Variants in TNS1 observed in about 807,000 individuals in gnomAD.
The protein encoded by TNS1 is tensin 1, also known as tensin-1.
In TNS1, 62 loss-of-function variants were observed where a neutral mutation model predicts 168.6. The ratio of observed to expected loss-of-function variants is 0.37; its 90% CI spans 0.30 to 0.45. The LOEUF (loss-of-function observed/expected upper bound fraction) is 0.45, where lower values mean the gene tolerates loss of function less well. Ranked by LOEUF, TNS1 falls within the 20% of genes least tolerant of loss-of-function variation. The probability of loss-of-function intolerance (pLI) is 1.00; values close to 1 mark genes in which losing one functional copy is unlikely to be tolerated. For synonymous variants in TNS1, 934 were observed against 933.2 expected (o/e 1.00, Z -0.02); for missense variants, 2,240 against 2,339.4 (o/e 0.96, Z 0.88).
At chr2:217,887,924 G>A (rs553453162) in intron 12 of TNS1, among the ~76,000 whole-genome samples, 1 of 152,340 alleles carries the variant, frequency 6.6e-6, no homozygotes, top group East Asian at 1.9e-4. Context: ...CAATCAGAAT[G>A]TATTCTGAGG....
intron 22 of TNS1, among the ~76,000 whole-genome samples, chr2:217,827,631 A>C (rs1943812276): frequency 6.6e-6 from 1 of 152,146 alleles, no homozygotes; most frequent in Non-Finnish European, 1.5e-5. Context: ...GGAGACCAAT[A>C]ACTCCAGTCT....
chr2:217,887,025 G>A (rs555127033), intron 12 of TNS1, among the ~76,000 whole-genome samples: 1 of 152,132 alleles, frequency 6.6e-6, no homozygotes, highest in South Asian at 2.1e-4. Context: ...CACAAGGCAG[G>A]CCCAACCACC....
At position 217,874,605 on chromosome 2, in the gene TNS1, T is replaced by C. The variant is rs187879735; in HGVS notation, c.1429+6293A>G. Among the ~76,000 whole-genome samples, 609 of 152,284 alleles carry C rather than the reference T, an allele frequency of 4.0e-3. 8 individuals are homozygous for C. Among genetic ancestry groups the C allele is most frequent in the African/African-American group, 0.014 (588 of 41,558 alleles). On this transcript the variant is annotated intron_variant, in intron 18 of 32. Transcript: ENST00000682258. ...CCAGAACAGAGCCAGCTATAGATGG[T>C]TCCCAGAGAGTAGAGGGGCAAGGGG...
chr2:217,951,102 G>A (rs1430990784), intron 3 of TNS1, among the ~76,000 whole-genome samples: 1 of 152,208 alleles, frequency 6.6e-6, no homozygotes, highest in East Asian at 1.9e-4. Flanking sequence ...CCAGGGGGAA[G>A]GGAATCACAG....
At chr2:217,816,852 G>C (rs4674217) in intron 24 of TNS1, among the ~76,000 whole-genome samples, 52,484 of 151,938 alleles carry the variant, frequency 0.35, 9,757 homozygotes, top group Middle Eastern at 0.52. Flanking sequence ...AGAATCTAGG[G>C]AGCTGGGGCC....
chr2:217,955,711 C>T (rs1209889426), intron 3 of TNS1, among the ~76,000 whole-genome samples: 2 of 152,198 alleles, frequency 1.3e-5, no homozygotes, highest in African/African-American at 4.8e-5. Flanking sequence ...GACTGGAGCT[C>T]ACTGAGATAG....
intron 23 of TNS1, among the ~76,000 whole-genome samples, chr2:217,820,774 C>G (rs779469293): frequency 6.6e-6 from 1 of 152,156 alleles, no homozygotes; most frequent in Non-Finnish European, 1.5e-5. Flanking sequence ...CCCCCACTAC[C>G]CCAGTCAAGC....
chr2:217,864,052 G>A (rs1346379167), intron 18 of TNS1, among the ~76,000 whole-genome samples: 2 of 152,224 alleles, frequency 1.3e-5, no homozygotes, highest in Non-Finnish European at 2.9e-5. Flanking sequence ...GCAGTGGGCA[G>A]GGCCAGGCCC....
intron 3 of TNS1, among the ~76,000 whole-genome samples, chr2:217,927,461 TAGG>T (rs1956091398): frequency 6.6e-6 from 1 of 152,072 alleles, no homozygotes; most frequent in African/African-American, 2.4e-5. Flanking sequence ...GGCACTTGTG[TAGG>T]AGAAGGACCA....
intron 3 of TNS1, among the ~76,000 whole-genome samples, chr2:217,934,399 G>A (rs545503577): frequency 2.6e-5 from 4 of 152,252 alleles, no homozygotes; most frequent in East Asian, 1.9e-4. Flanking sequence ...CTGGGCCTCC[G>A]GGGAGAATTT....
At chr2:218,005,824 C>T (rs1025100142), upstream of TNS1, among the ~76,000 whole-genome samples, 2 of 152,252 alleles carry the variant, frequency 1.3e-5, no homozygotes, top group African/African-American at 2.4e-5. Context: ...GGCAGCCCTG[C>T]CTGTACACTT....
In TNS1 at chr2:217,838,876, C is replaced by T. The variant is rs551711068; in HGVS notation, c.3008-2665G>A. Among the ~76,000 whole-genome samples the T allele has an allele frequency of 6.6e-5, 10 of 152,262 alleles. No homozygotes were observed. In the East Asian group the frequency reaches 9.7e-4, roughly 15 times the overall value. On this transcript the variant is annotated intron_variant, in intron 19 of 32. Transcript: ENST00000682258. Reference sequence around the variant, plus strand: ...GTCATGGAGAGAACACCCTCTCTCACGTCCCAGAGTCTGACTGATAATAAA... The same window carrying T: ...GTCATGGAGAGAACACCCTCTCTCATGTCCCAGAGTCTGACTGATAATAAA...
At chr2:217,945,270 T>C (rs1048389020) in intron 3 of TNS1, among the ~76,000 whole-genome samples, 1 of 152,162 alleles carries the variant, frequency 6.6e-6, no homozygotes, top group Non-Finnish European at 1.5e-5. Context: ...CACACTAATT[T>C]TATTAATTCA....
chr2:217,828,543 C>T (rs1943938475), intron 22 of TNS1, among the ~76,000 whole-genome samples: 1 of 152,184 alleles, frequency 6.6e-6, no homozygotes, highest in Admixed American at 6.5e-5. Context: ...ATGCCAGTGC[C>T]CAGAACCACA....
chr2:217,897,285 G>A (rs1195841663), intron 8 of TNS1, among the ~76,000 whole-genome samples: 1 of 152,184 alleles, frequency 6.6e-6, no homozygotes, highest in Non-Finnish European at 1.5e-5. Flanking sequence ...GCCGAGCCAG[G>A]TGCCAGCAAC....
chr2:217,869,458 G>C (rs1949575019), intron 18 of TNS1, among the ~76,000 whole-genome samples: 1 of 152,212 alleles, frequency 6.6e-6, no homozygotes, highest in African/African-American at 2.4e-5. Flanking sequence ...GAGCTGAATG[G>C]GGAAGCTGGA....
chr2:217,898,435 A>C (rs113460726), intron 7 of TNS1, among the ~76,000 whole-genome samples: 6,935 of 152,240 alleles, frequency 0.046, 504 homozygotes, highest in African/African-American at 0.16. Flanking sequence ...TGGAACGGAG[A>C]CTTCCCACTG....
At chr2:217,812,335 G>A (rs367619272) in intron 28 of TNS1, 33 bp downstream of exon 28, 11 of 1,588,630 alleles carry the variant, frequency 6.9e-6, no homozygotes, top group African/African-American at 4.0e-5. Context: ...GCTCAAGGGT[G>A]TGGGTGGTGA....
chr2:217,974,312 C>G (rs1198989910), intron 3 of TNS1, among the ~76,000 whole-genome samples: 1 of 152,194 alleles, frequency 6.6e-6, no homozygotes, highest in Non-Finnish European at 1.5e-5. Flanking sequence ...TTGCAGCACC[C>G]TCTGTGTCAG....
Sources: gnomAD v4.1 joint callset for allele counts (sites outside exome capture counted in the v4.1 genomes callset) on GRCh38, gnomAD v4.1.1 for gene constraint, MANE v1.5 for transcripts, NCBI Gene and HGNC (gene_info 2026-07-23, HGNC 2026-07-21) for gene names.